PRIM2: variants seen among roughly 807,000 people sequenced by gnomAD.
The protein encoded by PRIM2 is DNA primase subunit 2, also known as DNA primase large subunit.
A neutral mutation model predicts 67.3 loss-of-function variants in PRIM2; 39 were observed. That is an observed-to-expected ratio of 0.58 (90% CI 0.45 to 0.76). The LOEUF (loss-of-function observed/expected upper bound fraction) is 0.76, where lower values mean the gene tolerates loss of function less well. Ranked by LOEUF, PRIM2 falls within the 30% of genes least tolerant of loss-of-function variation. PRIM2 has a pLI of 0.00. For synonymous variants in PRIM2, 143 were observed against 198.7 expected (o/e 0.72, Z 2.36); for missense variants, 398 against 598.7 (o/e 0.66, Z 3.50).
At chr6:57,347,413 A>T (rs1023362481) in intron 5 of PRIM2, among the ~76,000 whole-genome samples, 7 of 152,158 alleles carry the variant, frequency 4.6e-5, no homozygotes, top group Non-Finnish European at 8.8e-5. Flanking sequence ...AGTGCCAGGC[A>T]CTTTGGTAAA....
the PRIM2 span, among the ~76,000 whole-genome samples, chr6:57,295,269 A>G: frequency 6.6e-6 from 1 of 152,218 alleles, no homozygotes; most frequent in Non-Finnish European, 1.5e-5. Flanking sequence ...TTTTGATGCC[A>G]ATAATGACTT....
chr6:57,353,140 A>C (rs9357949), intron 5 of PRIM2, among the ~76,000 whole-genome samples: 8 of 107,798 alleles, frequency 7.4e-5, no homozygotes, highest in Admixed American at 2.5e-4. Context: ...GTGAAATCCC[A>C]AAAAAAAAAA....
chr6:57,547,067 A>G (rs1775302394), intron 10 of PRIM2, among the ~76,000 whole-genome samples: 1 of 152,164 alleles, frequency 6.6e-6, no homozygotes, highest in Non-Finnish European at 1.5e-5. Flanking sequence ...TATTCCTTAA[A>G]TAATTTCCTG....
At chr6:57,623,637 C>T (rs1400781569) in intron 12 of PRIM2, among the ~76,000 whole-genome samples, 24 of 152,050 alleles carry the variant, frequency 1.6e-4, no homozygotes, top group Non-Finnish European at 2.8e-4. Flanking sequence ...ACTATTCTAA[C>T]TTAGTTCTAT....
At chr6:57,347,185 T>C (rs1399504136) in intron 5 of PRIM2, among the ~76,000 whole-genome samples, 2 of 152,182 alleles carry the variant, frequency 1.3e-5, no homozygotes, top group Admixed American at 6.5e-5. Flanking sequence ...TATATTCCAA[T>C]TCCCTTTAGT....
intron 7 of PRIM2, among the ~76,000 whole-genome samples, chr6:57,396,716 G>T (rs1477185983): frequency 1.3e-5 from 2 of 151,954 alleles, no homozygotes; most frequent in Non-Finnish European, 2.9e-5. Context: ...GTATATCTTG[G>T]TTTTTTGTTT....
At chr6:57,310,898 G>T (rs1767369513), upstream of PRIM2, among the ~76,000 whole-genome samples, 1 of 142,356 alleles carries the variant, frequency 7.0e-6, no homozygotes, top group Non-Finnish European at 1.5e-5. Context: ...TCCCAGACGG[G>T]GTGGCGGCCG....
At chr6:57,622,418 T>A (rs1479646461) in intron 12 of PRIM2, among the ~76,000 whole-genome samples, 3 of 152,212 alleles carry the variant, frequency 2.0e-5, no homozygotes, top group Non-Finnish European at 4.4e-5. Context: ...GTTTCTACAG[T>A]GTATTTTAAT....
intron 13 of PRIM2, among the ~76,000 whole-genome samples, chr6:57,644,387 C>T (rs1777297788): frequency 6.6e-6 from 1 of 152,160 alleles, no homozygotes; most frequent in Non-Finnish European, 1.5e-5. Flanking sequence ...CTTCCTTGAT[C>T]TCCTCAGCCG....
intron 8 of PRIM2, among the ~76,000 whole-genome samples, chr6:57,520,098 G>T (rs1225866234): frequency 2.0e-5 from 3 of 152,148 alleles, no homozygotes; most frequent in African/African-American, 7.2e-5. Flanking sequence ...TGGCGTATAA[G>T]GAAAGGATGT....
chr6:57,535,771 A>G (rs1314559912), intron 9 of PRIM2, among the ~76,000 whole-genome samples: 1 of 152,158 alleles, frequency 6.6e-6, no homozygotes, highest in African/African-American at 2.4e-5. Flanking sequence ...AGGCTGAAGC[A>G]GGAGAATCGC....
chr6:57,369,978 A>G (rs1285859465), intron 5 of PRIM2, among the ~76,000 whole-genome samples: 1 of 152,244 alleles, frequency 6.6e-6, no homozygotes, highest in East Asian at 1.9e-4. Context: ...TACACACTTT[A>G]CATACTTTAT....
chr6:57,245,446 C>T, the PRIM2 span, among the ~76,000 whole-genome samples: 2 of 152,152 alleles, frequency 1.3e-5, no homozygotes, highest in Non-Finnish European at 2.9e-5. Context: ...TGCCAGTAAA[C>T]TCGCAAGGTA....
chr6:57,529,488 TA>T (rs1774841690), intron 8 of PRIM2, among the ~76,000 whole-genome samples: 1 of 152,300 alleles, frequency 6.6e-6, no homozygotes, highest in Admixed American at 6.5e-5. Flanking sequence ...TACTAAAGTC[TA>T]AAACATTAAA....
intron 7 of PRIM2, among the ~76,000 whole-genome samples, chr6:57,506,453 T>G (rs1774253150): frequency 6.6e-6 from 1 of 152,120 alleles, no homozygotes; most frequent in Non-Finnish European, 1.5e-5. Flanking sequence ...ATACACTATA[T>G]AAACCCAAAG....
At chr6:57,516,226 C>T (rs1774484774) in intron 8 of PRIM2, among the ~76,000 whole-genome samples, 1 of 152,130 alleles carries the variant, frequency 6.6e-6, no homozygotes, top group Non-Finnish European at 1.5e-5. Flanking sequence ...ACCTTAATTA[C>T]ATCTGCAGAG....
chr6:57,609,367 A>C (rs1776622902), intron 12 of PRIM2, among the ~76,000 whole-genome samples: 1 of 152,196 alleles, frequency 6.6e-6, no homozygotes, highest in South Asian at 2.1e-4. Flanking sequence ...CTTCCTTGTA[A>C]ATAAAGTAAG....
chr6:57,333,299 G>C (rs975379134), intron 5 of PRIM2, among the ~76,000 whole-genome samples: 4 of 152,082 alleles, frequency 2.6e-5, no homozygotes, highest in South Asian at 2.1e-4. Flanking sequence ...TTGGTATACA[G>C]GCAAATACCT....
chr6:57,603,545 G>T (rs1406221853), intron 11 of PRIM2, among the ~76,000 whole-genome samples: 2 of 151,724 alleles, frequency 1.3e-5, no homozygotes, highest in African/African-American at 4.8e-5. Context: ...TCTATGTGTC[G>T]GTTTTTGTAC....
Sources: allele counts gnomAD v4.1 joint callset (sites outside exome capture counted in the v4.1 genomes callset), GRCh38; gene constraint gnomAD v4.1.1; transcripts MANE v1.5; gene names NCBI Gene and HGNC (gene_info 2026-07-23, HGNC 2026-07-21).